Variants in RGS8 observed in about 807,000 individuals in gnomAD.
RGS8 encodes the protein regulator of G-protein signaling 8.
RGS8 carries 8 observed loss-of-function variants against 21.7 expected under a neutral mutation model. The observed-to-expected ratio is 0.37, with a 90% CI of 0.22 to 0.66. The LOEUF (loss-of-function observed/expected upper bound fraction) is 0.66, where lower values mean the gene tolerates loss of function less well. Ranked by LOEUF, RGS8 falls within the 30% of genes least tolerant of loss-of-function variation. RGS8 has a pLI of 0.59. For synonymous variants in RGS8, 80 were observed against 83.6 expected (o/e 0.96, Z 0.24); for missense variants, 157 against 217.9 (o/e 0.72, Z 1.76).
chr1:182,740,865 T>A, the RGS8 span, among the ~76,000 whole-genome samples: 222 of 152,004 alleles, frequency 1.5e-3, 1 homozygote, highest in African/African-American at 5.0e-3. Context: ...GAGCACAGGG[T>A]TGGGGGTAAG....
chr1:182,696,200 T>A, the RGS8 span, among the ~76,000 whole-genome samples: 3 of 152,314 alleles, frequency 2.0e-5, no homozygotes, highest in Admixed American at 2.0e-4. Flanking sequence ...ATTCACCAAT[T>A]ACTCAACTTT....
At chr1:182,655,085 C>A (rs1000165561) in intron 5 of RGS8, among the ~76,000 whole-genome samples, 18 of 152,334 alleles carry the variant, frequency 1.2e-4, no homozygotes, top group African/African-American at 4.3e-4. Flanking sequence ...AGCTTAGGTC[C>A]TGATATTTTC....
chr1:182,689,466 C>A (rs1664777151), upstream of RGS8, among the ~76,000 whole-genome samples: 1 of 152,112 alleles, frequency 6.6e-6, no homozygotes, highest in African/African-American at 2.4e-5. Context: ...TTATCTGTCA[C>A]AGGGAACACA....
At chr1:182,749,569 A>G in the RGS8 span, among the ~76,000 whole-genome samples, 1 of 152,054 alleles carries the variant, frequency 6.6e-6, no homozygotes, top group Non-Finnish European at 1.5e-5. Context: ...TACTTTTGCT[A>G]TTTGAGGTCT....
At chr1:182,724,847 C>A in the RGS8 span, among the ~76,000 whole-genome samples, 2 of 152,146 alleles carry the variant, frequency 1.3e-5, no homozygotes, top group Non-Finnish European at 2.9e-5. Context: ...CATGAGCCAC[C>A]GCGCCCGGCC....
the RGS8 span, among the ~76,000 whole-genome samples, chr1:182,736,654 G>A: frequency 6.6e-6 from 1 of 152,210 alleles, no homozygotes; most frequent in African/African-American, 2.4e-5. Flanking sequence ...GTCCAACATA[G>A]AGGAGAGGGA....
chr1:182,731,175 C>T, the RGS8 span, among the ~76,000 whole-genome samples: 3 of 152,224 alleles, frequency 2.0e-5, no homozygotes, highest in Non-Finnish European at 4.4e-5. Flanking sequence ...CACTTTCCAA[C>T]GTTCAGCAAA....
the RGS8 span, among the ~76,000 whole-genome samples, chr1:182,691,120 C>A: frequency 1.3e-5 from 2 of 152,180 alleles, no homozygotes; most frequent in African/African-American, 4.8e-5. Flanking sequence ...TAAGAGTGAG[C>A]CCAGCCAAGA....
At chr1:182,678,452 G>A (rs1316717856) in intron 1 of RGS8, among the ~76,000 whole-genome samples, 1 of 152,144 alleles carries the variant, frequency 6.6e-6, no homozygotes, top group Non-Finnish European at 1.5e-5. Flanking sequence ...TTATGCCTAG[G>A]GAGCAGGTGC....
the RGS8 span, among the ~76,000 whole-genome samples, chr1:182,752,021 G>A: frequency 6.6e-6 from 1 of 152,150 alleles, no homozygotes. Context: ...ATTCACTTCT[G>A]TCACCTATCT....
chr1:182,686,934 T>A (rs1326228837), upstream of RGS8, among the ~76,000 whole-genome samples: 2 of 152,002 alleles, frequency 1.3e-5, no homozygotes, highest in Non-Finnish European at 2.9e-5. Context: ...ACCAGAGGAA[T>A]GAAGTGTCAC....
chr1:182,697,283 A>G, the RGS8 span, among the ~76,000 whole-genome samples: 1 of 152,226 alleles, frequency 6.6e-6, no homozygotes, highest in African/African-American at 2.4e-5. Flanking sequence ...TAGAGTTTGA[A>G]ATACTTGACT....
At chr1:182,741,353 G>T in the RGS8 span, among the ~76,000 whole-genome samples, 3 of 113,282 alleles carry the variant, frequency 2.6e-5, no homozygotes, top group African/African-American at 7.2e-5. Flanking sequence ...CTGGCCGGGC[G>T]GGGGGGCTGA....
At chr1:182,718,856 A>T in the RGS8 span, among the ~76,000 whole-genome samples, 2 of 152,214 alleles carry the variant, frequency 1.3e-5, no homozygotes. Flanking sequence ...CTTGAATCCA[A>T]TCTCAACAAA....
At chr1:182,722,158 G>A in the RGS8 span, among the ~76,000 whole-genome samples, 2 of 150,310 alleles carry the variant, frequency 1.3e-5, no homozygotes, top group Non-Finnish European at 3.0e-5. Context: ...AGTTCCAGAG[G>A]AAATTTTGCA....
intron 6 of RGS8, among the ~76,000 whole-genome samples, 197 bp downstream of exon 7, chr1:182,647,940 C>T (rs1330697943): frequency 6.6e-6 from 1 of 152,206 alleles, no homozygotes; most frequent in African/African-American, 2.4e-5. Context: ...TAAAACACTC[C>T]TAATGGAGCT....
the RGS8 span, among the ~76,000 whole-genome samples, chr1:182,739,970 C>T: frequency 1.3e-5 from 2 of 152,180 alleles, no homozygotes; most frequent in East Asian, 1.9e-4. Flanking sequence ...GCTCCCAACA[C>T]CCAACCCCCA....
chr1:182,672,670 A>C (rs1234492457), upstream of RGS8: 39 of 864,686 alleles, frequency 4.5e-5, no homozygotes, highest in Non-Finnish European at 5.9e-5. Flanking sequence ...TACAGTAGAA[A>C]CTCACCTCTC....
intron 5 of RGS8, chr1:182,658,703 T>G (rs1663404660): frequency 6.6e-6 from 1 of 152,166 alleles, no homozygotes; most frequent in Non-Finnish European, 1.5e-5. Flanking sequence ...TAACTGGAGG[T>G]GGCCACAGTG....
Sources: gnomAD v4.1 joint callset for allele counts (sites outside exome capture counted in the v4.1 genomes callset) on GRCh38, gnomAD v4.1.1 for gene constraint, MANE v1.5 for transcripts, NCBI Gene and HGNC (gene_info 2026-07-23, HGNC 2026-07-21) for gene names.